Variants in SLCO1A2 observed in about 807,000 individuals in gnomAD.
SLCO1A2 encodes the protein solute carrier organic anion transporter family member 1A2.
Under a neutral mutation model 69.0 loss-of-function variants are expected in SLCO1A2, and 67 were observed. That is an observed-to-expected ratio of 0.97 (90% CI 0.80 to 1.19). The LOEUF (loss-of-function observed/expected upper bound fraction) is 1.19. Among genes scored for constraint, SLCO1A2 ranks in the 50% most tolerant of loss-of-function variants. The pLI, the probability that SLCO1A2 is intolerant of heterozygous loss-of-function variation, is 0.00. For missense variants in SLCO1A2, 787 were observed against 793.7 expected, an observed-to-expected ratio of 0.99 and a Z score of 0.10; for synonymous variants, 260 against 265.9, an observed-to-expected ratio of 0.98 and a Z score of 0.22.
chr12:21,372,712 C>T (rs1939887565), intron 2 of SLCO1A2, among the ~76,000 whole-genome samples: 1 of 152,176 alleles, frequency 6.6e-6, no homozygotes, highest in Admixed American at 6.5e-5. Flanking sequence ...TGCACAAGGA[C>T]ACTGTGTATT....
At chr12:21,355,006 A>C (rs563449769) in intron 2 of SLCO1A2, 9 of 152,248 alleles carry the variant, frequency 5.9e-5, no homozygotes, top group Admixed American at 1.3e-4. Context: ...CTACATCTAC[A>C]TTTCCAGGTA....
At position 21,266,908 on chromosome 12, in the gene SLCO1A2, TTTCA is replaced by T. The variant is rs1270357163; in HGVS notation, c.*2636_*2639del. The stretch of plus-strand genomic sequence containing the variant: ...TAATATATTAAACCACTATTTCTAG[TTTCA>T]TTAACTTTATGTATTAAGTAAGATC... On this transcript the variant is annotated 3_prime_UTR_variant, in exon 15 of 15. Coordinates refer to ENST00000683939, the MANE Select transcript of SLCO1A2 (RefSeq NM_001386879.1). 21 of 152,214 alleles carry T rather than the reference TTTCA, an allele frequency of 1.4e-4. No homozygotes were observed. Among genetic ancestry groups the T allele is most frequent in the African/African-American group, 5.1e-4 (21 of 41,536 alleles). The allele number at this position is 152,214 out of a possible 1,614,324, so 9.4% of individuals were successfully genotyped here.
At chr12:21,389,683 AT>A (rs1228577563) in intron 1 of SLCO1A2, among the ~76,000 whole-genome samples, 1 of 151,906 alleles carries the variant, frequency 6.6e-6, no homozygotes, top group Admixed American at 6.6e-5. Context: ...AGACCAACCA[AT>A]GGGTCCCATC....
chr12:21,362,959 C>G (rs894795333), intron 2 of SLCO1A2, among the ~76,000 whole-genome samples: 5 of 152,106 alleles, frequency 3.3e-5, no homozygotes, highest in African/African-American at 1.2e-4. Context: ...GACATTAACA[C>G]CCCACTGTGA....
upstream of SLCO1A2, among the ~76,000 whole-genome samples, chr12:21,337,226 G>A (rs1952920675): frequency 6.6e-6 from 1 of 151,980 alleles, no homozygotes; most frequent in African/African-American, 2.4e-5. Context: ...CAGCAACACT[G>A]GGGCTTTTGA....
rs1800203 is a variant in SLCO1A2 at position 21,378,313 on chromosome 12, A to G, written c.-189-3788T>C. The G allele has an allele frequency of 2.4e-4, 383 of 1,614,220 alleles. 3 individuals carry two copies. In the East Asian group the frequency reaches 7.0e-3, roughly 29 times the overall value. On this transcript the variant is annotated intron_variant, in intron 1 of 15. Coordinates refer to the SLCO1A2 transcript ENST00000307378. ...CCTGGCAAATTTTTTAGTTCATTCC[A>G]GCAACAACTTTGGTGCCATTCTCTC...
chr12:21,364,264 A>T lies in SLCO1A2; in HGVS notation c.-63+10135T>A, dbSNP rs1469285098. ...CAACATATGCAAATCAATAAACATA[A>T]TCCATCATATAAACAGAACCAAAGA... On this transcript the variant is annotated intron_variant, in intron 2 of 15. Coordinates refer to the SLCO1A2 transcript ENST00000307378. Among the ~76,000 whole-genome samples the T allele has an allele frequency of 3.3e-5, 5 of 152,352 alleles. No homozygotes were observed. The East Asian group carries it at 9.6e-4, about 29-fold the overall frequency.
intron 4 of SLCO1A2, among the ~76,000 whole-genome samples, chr12:21,312,903 G>A (rs908985992): frequency 2.6e-5 from 4 of 151,888 alleles, no homozygotes; most frequent in Admixed American, 2.0e-4. Context: ...GTGAAATCCT[G>A]TCTCTACCAA....
intron 2 of SLCO1A2, among the ~76,000 whole-genome samples, chr12:21,366,740 T>C (rs1314145549): frequency 2.6e-5 from 4 of 151,908 alleles, no homozygotes. Flanking sequence ...TAAAAGAAGA[T>C]TCAGAAAGCA....
chr12:21,356,061 A>G (rs1401024079), intron 2 of SLCO1A2, among the ~76,000 whole-genome samples: 3 of 152,108 alleles, frequency 2.0e-5, no homozygotes, highest in African/African-American at 7.2e-5. Context: ...AAGACCCTGT[A>G]TAATGTAGTG....
intron 12 of SLCO1A2, among the ~76,000 whole-genome samples, chr12:21,276,676 C>T (rs537202522): frequency 3.2e-4 from 48 of 152,192 alleles, no homozygotes; most frequent in Middle Eastern, 3.4e-3. Flanking sequence ...TTGCCAACAC[C>T]AGCCCTCCCA....
intron 8 of SLCO1A2, among the ~76,000 whole-genome samples, chr12:21,300,034 GTATA>G (rs112757363): frequency 1.4e-5 from 2 of 141,602 alleles, no homozygotes; most frequent in Non-Finnish European, 3.1e-5. Context: ...ATATATGTGT[GTATA>G]TATATATGTG....
At chr12:21,298,646 T>G (rs1225733942) in intron 8 of SLCO1A2, among the ~76,000 whole-genome samples, 1 of 152,146 alleles carries the variant, frequency 6.6e-6, no homozygotes, top group Non-Finnish European at 1.5e-5. Flanking sequence ...CTGAAGATTT[T>G]TAAGTCACCC....
chr12:21,325,158 C>T (rs979291353), intron 2 of SLCO1A2, among the ~76,000 whole-genome samples: 2 of 152,158 alleles, frequency 1.3e-5, no homozygotes, highest in African/African-American at 4.8e-5. Context: ...TTCTACCCTA[C>T]ATTGTGTAGG....
intron 4 of SLCO1A2, 25 bp downstream of exon 4, chr12:21,314,523 CA>C: frequency 6.2e-7 from 1 of 1,610,590 alleles, no homozygotes; most frequent in Non-Finnish European, 8.5e-7. Context: ...TTTGACCACC[CA>C]AAATTATCAG....
intron 1 of SLCO1A2, among the ~76,000 whole-genome samples, chr12:21,401,349 C>T (rs1941697661): frequency 1.3e-5 from 2 of 151,598 alleles, no homozygotes; most frequent in Admixed American, 6.6e-5. Flanking sequence ...AATAAAATAT[C>T]ATTCACAATA....
intron 8 of SLCO1A2, among the ~76,000 whole-genome samples, chr12:21,299,214 C>T (rs1042547238): frequency 1.3e-5 from 2 of 152,070 alleles, no homozygotes; most frequent in Non-Finnish European, 2.9e-5. Context: ...AACTTTCAGG[C>T]ATCAATCATT....
chr12:21,302,457 A>T (rs1948829128), intron 6 of SLCO1A2, among the ~76,000 whole-genome samples: 1 of 152,116 alleles, frequency 6.6e-6, no homozygotes. Flanking sequence ...TACTAAGTAA[A>T]AGTCTTTCCC....
intron 2 of SLCO1A2, chr12:21,324,659 A>G (rs1324049115): frequency 6.6e-6 from 1 of 152,216 alleles, no homozygotes; most frequent in Admixed American, 6.5e-5. Flanking sequence ...ACTTCACCCA[A>G]TTGCTCTAAA....
Sources: gnomAD v4.1 joint callset for allele counts (sites outside exome capture counted in the v4.1 genomes callset) on GRCh38, gnomAD v4.1.1 for gene constraint, MANE v1.5 for transcripts, NCBI Gene and HGNC (gene_info 2026-07-23, HGNC 2026-07-21) for gene names.